Variants in SYNE1 observed in about 807,000 individuals in gnomAD.
The protein encoded by SYNE1 is nesprin-1.
A neutral mutation model predicts 1,111.0 loss-of-function variants in SYNE1; 616 were observed. That is an observed-to-expected ratio of 0.55 (90% CI 0.52 to 0.59). The LOEUF is 0.59. Ranked by LOEUF, SYNE1 falls within the 20% of genes least tolerant of loss-of-function variation. The pLI, the probability that SYNE1 is intolerant of heterozygous loss-of-function variation, is 0.00. For missense variants in SYNE1, 10,006 were observed against 10,417.0 expected (o/e 0.96, Z 1.72); for synonymous variants, 3,855 against 3,825.8 (o/e 1.01, Z -0.28).
At position 152,140,006 on chromosome 6, in the gene SYNE1, G is replaced by A. The variant is rs756674030; in HGVS notation, c.25402C>T (p.Arg8468Cys). The A allele has an allele frequency of 3.7e-6, 6 of 1,614,002 alleles. No homozygotes were observed. Among genetic ancestry groups the A allele is most frequent in the East Asian group, 4.5e-5 (2 of 44,886 alleles). ...TGGATGTCAGTGCTGAGTTCCAGACGCTGGAGCTGTTCCAACTCCTCCTCC... is the reference window on the plus strand; with the variant it reads ...TGGATGTCAGTGCTGAGTTCCAGACACTGGAGCTGTTCCAACTCCTCCTCC... ...DTEEELEQLQ[R>C]LELSTDIQTI... Residue 8468 changes from arginine (R) to cysteine (C), a missense_variant, in exon 140 of 146, where the codon CGT becomes TGT. Physicochemically the swap from Arg to Cys is radical, Grantham distance 180. Around this residue, in one of 7 missense-constraint regions of SYNE1, gnomAD observed 761 missense variants for 795.5 expected, o/e 0.96. Coordinates refer to ENST00000367255, the MANE Select transcript of SYNE1 (RefSeq NM_182961.4).
chr6:152,268,994 G>C (rs2153678448), intron 99 of SYNE1, among the ~76,000 whole-genome samples, 161 bp downstream of exon 99: 1 of 152,270 alleles, frequency 6.6e-6, no homozygotes, highest in South Asian at 2.1e-4. Context: ...GTGGTCATGA[G>C]TCAATACACT....
At chr6:152,529,900 T>C (rs939312014) in intron 4 of SYNE1, among the ~76,000 whole-genome samples, 24 of 151,662 alleles carry the variant, frequency 1.6e-4, no homozygotes, top group African/African-American at 5.6e-4. Flanking sequence ...CAGCTCCAGC[T>C]CTCTCCCACA....
In SYNE1 at chr6:152,472,345, G is replaced by A. The variant is rs747609367; in HGVS notation, c.1419C>T (p.Asn473=). Residue 473 remains asparagine, a synonymous_variant, in exon 15 of 146, where the codon AAC becomes AAT. Coordinates refer to ENST00000367255, the MANE Select transcript of SYNE1 (RefSeq NM_182961.4). Reference sequence around the variant, plus strand: ...ATTGATCAGGTGGCACTGGAATCCCGTTAACAGACCTGGTCCGGTAGATTT... The same window carrying A: ...ATTGATCAGGTGGCACTGGAATCCCATTAACAGACCTGGTCCGGTAGATTT... ...FHEIYRTRSV[N]GIPVPPDQLE... 9.3e-6 allele frequency: 15 copies of A among 1,613,946 alleles called. No individual in the cohort carries two copies. The highest frequency in any genetic ancestry group is 3.3e-5 in the South Asian group (3 of 91,068).
intron 9 of SYNE1, 69 bp from the exon 10 acceptor site, chr6:152,502,811 G>T: frequency 8.4e-7 from 1 of 1,194,072 alleles, no homozygotes; most frequent in Non-Finnish European, 1.2e-6. Context: ...TACAAGTTTG[G>T]TATCTAGCTA....
At chr6:152,619,488 C>T (rs1001496221) in intron 3 of SYNE1, among the ~76,000 whole-genome samples, 5 of 151,116 alleles carry the variant, frequency 3.3e-5, no homozygotes, top group Admixed American at 3.3e-4. Flanking sequence ...CAATCCAGCA[C>T]CTGTAGTGCC....
At chr6:152,502,540 A>G in intron 10 of SYNE1, 93 bp downstream of exon 10, 1 of 955,610 alleles carries the variant, frequency 1.0e-6, no homozygotes, top group Non-Finnish European at 1.7e-6. Context: ...ATTAAAATGC[A>G]TTCAAATTTA....
At position 152,442,160 on chromosome 6, in the gene SYNE1, T is replaced by C; in HGVS notation, c.3923A>G (p.Asp1308Gly). Reference sequence around the variant, plus strand: ...CTTCCGCAGCTCCTCGTGGCCTCGGTCAGGCAGCCCCCCTTCTCCCTGCTG... The same window carrying C: ...CTTCCGCAGCTCCTCGTGGCCTCGGCCAGGCAGCCCCCCTTCTCCCTGCTG... ...QAQQGEGGLP[D>G]RGHEELRKLE... The change falls in exon 31 of 146, where the codon GAC becomes GGC. Residue 1308 changes from aspartate (D) to glycine (G), a missense_variant. Physicochemically the swap from Asp to Gly is moderately conservative, Grantham distance 94 (BLOSUM62 -1). Around this residue, in one of 7 missense-constraint regions of SYNE1, gnomAD observed 1,971 missense variants for 2,084.1 expected, o/e 0.95. Transcript: ENST00000367255. The C allele has an allele frequency of 6.2e-7, 1 of 1,613,886 alleles. No individual in the cohort carries two copies. The highest frequency in any genetic ancestry group is 8.5e-7 in the Non-Finnish European group (1 of 1,180,040).
intron 95 of SYNE1, among the ~76,000 whole-genome samples, chr6:152,293,369 C>T (rs1023286919): frequency 1.1e-4 from 17 of 151,728 alleles, no homozygotes; most frequent in Non-Finnish European, 1.9e-4. Context: ...GTCTGCATGT[C>T]TCTCTCTCTC....
chr6:152,465,249 C>T lies in SYNE1; in HGVS notation c.1932+9G>A, dbSNP rs746181375. 1 of 1,613,128 alleles carries T rather than the reference C, an allele frequency of 6.2e-7. No individual in the cohort carries two copies. Among genetic ancestry groups the T allele is most frequent in the Admixed American group, 1.7e-5 (1 of 59,926 alleles). On this transcript the variant is annotated intron_variant, in intron 18 of 145. Coordinates refer to ENST00000367255, the MANE Select transcript of SYNE1 (RefSeq NM_182961.4). ...AAACGTCTTTTCTTTTTGCATGAACCAATCTTACCTTTTTGGCATTTTCTG... is the reference window on the plus strand; with the variant it reads ...AAACGTCTTTTCTTTTTGCATGAACTAATCTTACCTTTTTGGCATTTTCTG...
In SYNE1 at chr6:152,224,546, C is replaced by T. The variant is rs34963077; in HGVS notation, c.21470G>A (p.Arg7157His). Residue 7157 changes from arginine (R) to histidine (H), a missense_variant, in exon 117 of 146, where the codon CGT becomes CAT. Around this residue, in one of 7 missense-constraint regions of SYNE1, gnomAD observed 2,182 missense variants for 2,287.8 expected, o/e 0.95. Transcript: ENST00000367255. ...AGCTTCTAAGGAGCCAGTCAGCAGA[C>T]GGAATCGGGAAAGAGAGTATCTGGC... Reference protein sequence around the residue: ...MEARYSLSRFRLLTGSLEAVQ... With the variant: ...MEARYSLSRFHLLTGSLEAVQ... The T allele has an allele frequency of 2.3e-4, 364 of 1,613,940 alleles. No homozygotes were observed. In the African/African-American group the frequency reaches 3.1e-3, roughly 14 times the overall value.
chr6:152,363,374 G>A (rs1475224239), intron 63 of SYNE1, among the ~76,000 whole-genome samples: 6 of 149,886 alleles, frequency 4.0e-5, no homozygotes, highest in African/African-American at 7.3e-5. Context: ...GGCGCCTGTA[G>A]TACCAGCTAC....
chr6:152,324,267 C>T (rs9478313), intron 81 of SYNE1, among the ~76,000 whole-genome samples: 57,525 of 151,786 alleles, frequency 0.38, 11,415 homozygotes, highest in Admixed American at 0.5. Flanking sequence ...GGTGTGGTGG[C>T]GGGTGCCTGT....
chr6:152,410,048 G>A (rs2097995204), intron 42 of SYNE1, among the ~76,000 whole-genome samples: 1 of 152,024 alleles, frequency 6.6e-6, no homozygotes, highest in Admixed American at 6.5e-5. Context: ...ATTTTTAATT[G>A]TCTTTTTCCA....
At chr6:152,231,842 T>A (rs2082857843) in intron 113 of SYNE1, among the ~76,000 whole-genome samples, 1 of 151,976 alleles carries the variant, frequency 6.6e-6, no homozygotes, top group African/African-American at 2.4e-5. Context: ...ACTAGATAAA[T>A]TATATAACCT....
chr6:152,599,575 T>A (rs1194227365), intron 3 of SYNE1, among the ~76,000 whole-genome samples: 2 of 152,152 alleles, frequency 1.3e-5, no homozygotes, highest in Non-Finnish European at 2.9e-5. Flanking sequence ...TAAACATGGA[T>A]AAATTGTGAA....
intron 93 of SYNE1, among the ~76,000 whole-genome samples, chr6:152,298,943 T>C (rs2095033385): frequency 6.6e-6 from 1 of 152,194 alleles, no homozygotes; most frequent in South Asian, 2.1e-4. Context: ...CATGTAAGTA[T>C]TTTAGATTAA....
intron 115 of SYNE1, among the ~76,000 whole-genome samples, chr6:152,228,790 T>C (rs1404577046): frequency 6.6e-6 from 1 of 152,184 alleles, no homozygotes; most frequent in South Asian, 2.1e-4. Flanking sequence ...GGATTACTTG[T>C]AGATTTTTGA....
chr6:152,631,674 A>G (rs2099698180), intron 2 of SYNE1, among the ~76,000 whole-genome samples: 1 of 152,142 alleles, frequency 6.6e-6, no homozygotes, highest in South Asian at 2.1e-4. Flanking sequence ...ATCAAATATA[A>G]CACAGCTTTA....
At chr6:152,445,057 T>C (rs1326891546) in intron 29 of SYNE1, among the ~76,000 whole-genome samples, 1 of 152,072 alleles carries the variant, frequency 6.6e-6, no homozygotes, top group African/African-American at 2.4e-5. Context: ...GCTTGCAGGT[T>C]TTATTCGATA....
Sources: allele counts gnomAD v4.1 joint callset (sites outside exome capture counted in the v4.1 genomes callset), GRCh38; gene constraint gnomAD v4.1.1; regional missense constraint gnomAD v4.1.1; transcripts MANE v1.5; gene names NCBI Gene and HGNC (gene_info 2026-07-23, HGNC 2026-07-21).